The following TTC27 variants were observed in gnomAD, a reference collection of about 807,000 sequenced individuals.
TTC27 encodes tetratricopeptide repeat domain 27, also known as tetratricopeptide repeat protein 27.
In TTC27, 79 loss-of-function variants were observed where a neutral mutation model predicts 115.9. That is an observed-to-expected ratio of 0.68 (90% CI 0.57 to 0.82). The LOEUF is 0.82. TTC27 is among the 40% of genes least tolerant of loss of function. The probability of loss-of-function intolerance (pLI) is 0.00; values close to 1 mark genes in which losing one functional copy is unlikely to be tolerated. For missense variants in TTC27, 1,054 were observed against 993.1 expected, an observed-to-expected ratio of 1.06 and a Z score of -0.82; for synonymous variants, 401 against 356.0, an observed-to-expected ratio of 1.13 and a Z score of -1.42.
Position 32,746,877 on chromosome 2 carries a change from T to C in TTC27, c.1452+10061T>C, listed in dbSNP as rs537495778. On this transcript the variant is annotated intron_variant, in intron 12 of 19. Coordinates refer to ENST00000317907, the MANE Select transcript of TTC27 (RefSeq NM_017735.5). ...ATGACTAGCTGAAGAAAGGAAATAC[T>C]GCCAGCATTGCCCTTGGGAAAGATA... 2.0e-5 allele frequency among the ~76,000 whole-genome samples: 3 copies of C among 152,342 alleles called. No homozygotes were observed. The South Asian group carries it at 6.2e-4, about 32-fold the overall frequency.
chr2:32,720,120 T>C (rs145118484), intron 10 of TTC27, among the ~76,000 whole-genome samples: 15 of 152,334 alleles, frequency 9.8e-5, no homozygotes, highest in Non-Finnish European at 1.9e-4. Context: ...TCCCCATTCT[T>C]ATTGGCACCT....
chr2:32,663,433 C>G (rs998968676), intron 5 of TTC27, among the ~76,000 whole-genome samples: 5 of 152,152 alleles, frequency 3.3e-5, no homozygotes, highest in Non-Finnish European at 5.9e-5. Flanking sequence ...GAGAGTTCCA[C>G]GACCCCTTGT....
At chr2:32,719,308 AC>A (rs757023805) in intron 10 of TTC27, among the ~76,000 whole-genome samples, 13 of 152,234 alleles carry the variant, frequency 8.5e-5, no homozygotes, top group Non-Finnish European at 1.9e-4. Flanking sequence ...TAGGAGAGGC[AC>A]CTAGTCATCA....
At chr2:32,807,220 G>C (rs1196270301) in intron 16 of TTC27, among the ~76,000 whole-genome samples, 1 of 151,884 alleles carries the variant, frequency 6.6e-6, no homozygotes, top group Non-Finnish European at 1.5e-5. Context: ...CTTTTTCTCT[G>C]TTTTTAAATG....
chr2:32,788,075 A>G (rs1002272051), intron 16 of TTC27, among the ~76,000 whole-genome samples: 3 of 152,202 alleles, frequency 2.0e-5, no homozygotes, highest in African/African-American at 7.2e-5. Context: ...AAAATAGTGC[A>G]TATCTCTTGT....
intron 2 of TTC27, among the ~76,000 whole-genome samples, chr2:32,631,671 G>A (rs1664218962): frequency 6.6e-6 from 1 of 152,096 alleles, no homozygotes; most frequent in Non-Finnish European, 1.5e-5. Flanking sequence ...GCTTCATTTA[G>A]TCCTTCAACA....
At chr2:32,700,641 G>A (rs999311451) in intron 9 of TTC27, among the ~76,000 whole-genome samples, 34 of 152,124 alleles carry the variant, frequency 2.2e-4, no homozygotes, top group African/African-American at 7.7e-4. Context: ...AGGTTCAAGC[G>A]ATTCTTCTGC....
At chr2:32,758,152 G>A (rs773605348) in intron 12 of TTC27, 140 bp from the exon 13 acceptor site, 3 of 728,820 alleles carry the variant, frequency 4.1e-6, no homozygotes, top group Non-Finnish European at 4.5e-6. Flanking sequence ...CTCAACCTGT[G>A]TCCTTGATAG....
intron 2 of TTC27, among the ~76,000 whole-genome samples, chr2:32,633,369 C>A (rs1324454997): frequency 6.6e-6 from 1 of 151,984 alleles, no homozygotes; most frequent in African/African-American, 2.4e-5. Context: ...CAAATTTAAA[C>A]CATGTTTGGC....
intron 12 of TTC27, among the ~76,000 whole-genome samples, chr2:32,737,678 G>A (rs1213831060): frequency 1.3e-5 from 2 of 152,008 alleles, no homozygotes; most frequent in Non-Finnish European, 2.9e-5. Context: ...TTGACTTAAG[G>A]AGAAACCAGA....
At chr2:32,676,267 T>C (rs1666202083) in intron 8 of TTC27, among the ~76,000 whole-genome samples, 1 of 152,070 alleles carries the variant, frequency 6.6e-6, no homozygotes, top group African/African-American at 2.4e-5. Flanking sequence ...GAGGTATGAA[T>C]GCTTGTATGC....
intron 12 of TTC27, among the ~76,000 whole-genome samples, chr2:32,754,137 A>G (rs1423568191): frequency 6.7e-6 from 1 of 148,454 alleles, no homozygotes. Context: ...AAAACAATTC[A>G]TTCTACATTC....
chr2:32,796,890 C>T (rs536922109), intron 16 of TTC27, among the ~76,000 whole-genome samples: 177 of 151,708 alleles, frequency 1.2e-3, no homozygotes, highest in Non-Finnish European at 2.0e-3. Flanking sequence ...GACAGTGTCT[C>T]GGCTGGGCAC....
In TTC27 at chr2:32,787,039, C is replaced by A; in HGVS notation, c.1888C>A (p.Gln630Lys). 1 of 1,614,008 alleles carries A rather than the reference C, an allele frequency of 6.2e-7. No individual in the cohort carries two copies. Among genetic ancestry groups the A allele is most frequent in the Non-Finnish European group, 8.5e-7 (1 of 1,179,968 alleles). Residue 630 changes from glutamine (Q) to lysine (K), a missense_variant, in exon 16 of 20, where the codon CAG becomes AAG. Gln to Lys is a moderately conservative substitution (Grantham distance 53). Coordinates refer to ENST00000317907, the MANE Select transcript of TTC27 (RefSeq NM_017735.5). ...EALKCNYEHW[Q>K]IWENYILTST... ...TCTCAAGTGTAACTATGAACACTGG[C>A]AGATTTGGGAAAACTACATCCTCAC... is the stretch of plus-strand genomic sequence containing the variant.
intron 9 of TTC27, among the ~76,000 whole-genome samples, chr2:32,679,908 C>G (rs1486427678): frequency 6.6e-6 from 1 of 152,124 alleles, no homozygotes; most frequent in East Asian, 1.9e-4. Context: ...GGAGAACCAC[C>G]TCAACCCGGA....
At chr2:32,676,758 G>A (rs184314130) in intron 8 of TTC27, among the ~76,000 whole-genome samples, 1 of 151,744 alleles carries the variant, frequency 6.6e-6, no homozygotes, top group East Asian at 1.9e-4. Flanking sequence ...ATAAGTGCTG[G>A]CATTATACGC....
At chr2:32,630,432 A>C in intron 1 of TTC27, 91 bp from the exon 2 acceptor site, 1 of 1,009,056 alleles carries the variant, frequency 9.9e-7, no homozygotes, top group Admixed American at 2.6e-5. Flanking sequence ...GTTTTTGCAC[A>C]CTAAAATGGT....
intron 9 of TTC27, among the ~76,000 whole-genome samples, chr2:32,687,845 C>T (rs1178647645): frequency 6.6e-6 from 1 of 152,168 alleles, no homozygotes; most frequent in East Asian, 1.9e-4. Context: ...CAGACAATGT[C>T]ACAATCATAG....
chr2:32,684,377 A>G (rs955249071), intron 9 of TTC27, among the ~76,000 whole-genome samples: 2 of 152,092 alleles, frequency 1.3e-5, no homozygotes, highest in East Asian at 1.9e-4. Flanking sequence ...TAATGCCGCA[A>G]TAAACATACG....
Sources: gnomAD v4.1 joint callset for allele counts (sites outside exome capture counted in the v4.1 genomes callset) on GRCh38, gnomAD v4.1.1 for gene constraint, MANE v1.5 for transcripts, NCBI Gene and HGNC (gene_info 2026-07-23, HGNC 2026-07-21) for gene names.